Variants in AFG2A observed in about 807,000 individuals in gnomAD.
The protein encoded by AFG2A is ATPase family gene 2 protein homolog A.
chr4:123,050,363 T>A, the AFG2A span, among the ~76,000 whole-genome samples: 1 of 152,132 alleles, frequency 6.6e-6, no homozygotes, highest in African/African-American at 2.4e-5. Context: ...GTTGATTTTT[T>A]GCCTGAACTG....
chr4:122,933,541 A>G, the AFG2A span: 6 of 1,521,096 alleles, frequency 3.9e-6, no homozygotes, highest in Non-Finnish European at 5.5e-6. Context: ...TTTAAGCTGC[A>G]AGGCATCAGC....
the AFG2A span, among the ~76,000 whole-genome samples, chr4:123,014,102 C>A: frequency 1.3e-5 from 2 of 152,030 alleles, no homozygotes; most frequent in Non-Finnish European, 1.5e-5. Context: ...AGTAGAATCC[C>A]CTCTGTCTTC....
the AFG2A span, among the ~76,000 whole-genome samples, chr4:122,945,425 C>T: frequency 4.5e-4 from 69 of 151,786 alleles, no homozygotes; most frequent in South Asian, 0.01. Context: ...AGCGAGACTC[C>T]GTGGGCGTAG....
At chr4:123,205,437 A>C in the AFG2A span, among the ~76,000 whole-genome samples, 1 of 151,516 alleles carries the variant, frequency 6.6e-6, no homozygotes, top group South Asian at 2.1e-4. Flanking sequence ...CAAGGGTCAA[A>C]AAAATTTTTA....
chr4:122,954,111 C>T, the AFG2A span, among the ~76,000 whole-genome samples: 8 of 152,322 alleles, frequency 5.3e-5, no homozygotes, highest in South Asian at 2.1e-4. Context: ...CATCTGGCCA[C>T]GCTTCATTGC....
the AFG2A span, among the ~76,000 whole-genome samples, chr4:123,185,147 T>C: frequency 2.6e-5 from 4 of 152,130 alleles, no homozygotes; most frequent in African/African-American, 9.7e-5. Flanking sequence ...CTTTTGAAAG[T>C]ATTAAGTTCA....
the AFG2A span, among the ~76,000 whole-genome samples, chr4:122,973,557 T>G: frequency 6.6e-6 from 1 of 152,204 alleles, no homozygotes; most frequent in South Asian, 2.1e-4. Context: ...TAACTTGGCC[T>G]TTAGTGAATA....
the AFG2A span, among the ~76,000 whole-genome samples, chr4:122,954,956 C>A: frequency 6.6e-6 from 1 of 152,062 alleles, no homozygotes; most frequent in Non-Finnish European, 1.5e-5. Flanking sequence ...AGCCCGGGAC[C>A]CCCCCTTGGA....
chr4:123,220,633 A>AAAAC, the AFG2A span, among the ~76,000 whole-genome samples: 49 of 147,782 alleles, frequency 3.3e-4, 1 homozygote, highest in African/African-American at 1.2e-3. Context: ...AAAAAAAAAA[A>AAAAC]AAAACCTGGA....
At chr4:123,189,001 T>C in the AFG2A span, among the ~76,000 whole-genome samples, 11 of 152,378 alleles carry the variant, frequency 7.2e-5, no homozygotes, top group East Asian at 3.9e-4. Flanking sequence ...GACAGAAATA[T>C]AGTATTTGGA....
chr4:123,278,966 T>C, the AFG2A span, among the ~76,000 whole-genome samples: 1,702 of 152,282 alleles, frequency 0.011, 29 homozygotes, highest in African/African-American at 0.038. Context: ...AAGGGGAAAT[T>C]TTAAACCTTA....
At chr4:123,282,646 A>T in the AFG2A span, among the ~76,000 whole-genome samples, 1 of 152,146 alleles carries the variant, frequency 6.6e-6, no homozygotes, top group Non-Finnish European at 1.5e-5. Context: ...CAGCAAGGTC[A>T]CACAGCCACC....
At chr4:122,947,351 C>T in the AFG2A span, 1 of 1,614,096 alleles carries the variant, frequency 6.2e-7, no homozygotes, top group Non-Finnish European at 8.5e-7. Flanking sequence ...GTTCCCAATG[C>T]TCAGGACCGG....
At chr4:123,183,347 T>C in the AFG2A span, among the ~76,000 whole-genome samples, 20 of 152,208 alleles carry the variant, frequency 1.3e-4, no homozygotes, top group Non-Finnish European at 2.2e-4. Context: ...CAGTAAATCA[T>C]TGTTTATTGT....
chr4:123,183,632 A>G, the AFG2A span, among the ~76,000 whole-genome samples: 1 of 152,248 alleles, frequency 6.6e-6, no homozygotes, highest in African/African-American at 2.4e-5. Flanking sequence ...TGATAGTCAC[A>G]TTCATTTGGC....
At chr4:123,009,514 T>G in the AFG2A span, among the ~76,000 whole-genome samples, 1 of 152,192 alleles carries the variant, frequency 6.6e-6, no homozygotes, top group Non-Finnish European at 1.5e-5. Flanking sequence ...AACTCCATAC[T>G]TTATTTGGAT....
At chr4:123,207,532 C>A in the AFG2A span, among the ~76,000 whole-genome samples, 3 of 151,950 alleles carry the variant, frequency 2.0e-5, no homozygotes, top group African/African-American at 7.3e-5. Context: ...GCCATGTTAC[C>A]CAGGGTGGTC....
chr4:123,063,818 G>A, the AFG2A span, among the ~76,000 whole-genome samples: 1 of 151,842 alleles, frequency 6.6e-6, no homozygotes, highest in Admixed American at 6.6e-5. Flanking sequence ...ATTGAGCAAA[G>A]AATCATGATA....
chr4:123,100,159 A>G, the AFG2A span, among the ~76,000 whole-genome samples: 1 of 151,736 alleles, frequency 6.6e-6, no homozygotes, highest in South Asian at 2.1e-4. Flanking sequence ...CCAACCCATC[A>G]TTTCTTCATC....
Sources: allele counts gnomAD v4.1 joint callset (sites outside exome capture counted in the v4.1 genomes callset), GRCh38; gene constraint gnomAD v4.1.1; transcripts MANE v1.5; gene names NCBI Gene and HGNC (gene_info 2026-07-23, HGNC 2026-07-21).